The following ADGRL2 variants were observed in gnomAD, a reference collection of about 807,000 sequenced individuals.
ADGRL2 encodes the protein calcium-independent alpha-latrotoxin receptor 2.
A neutral mutation model predicts 157.4 loss-of-function variants in ADGRL2; 44 were observed. The ratio of observed to expected loss-of-function variants is 0.28; its 90% CI spans 0.22 to 0.36. The LOEUF is 0.36. ADGRL2 is among the 10% of genes least tolerant of loss of function. The pLI, the probability that ADGRL2 is intolerant of heterozygous loss-of-function variation, is 1.00. For synonymous variants in ADGRL2, 585 were observed against 624.7 expected, an observed-to-expected ratio of 0.94 and a Z score of 0.95; for missense variants, 1,510 against 1,768.9, an observed-to-expected ratio of 0.85 and a Z score of 2.63.
chr1:81,380,213 AT>A (rs1318357138), intron 1 of ADGRL2, among the ~76,000 whole-genome samples: 1 of 152,050 alleles, frequency 6.6e-6, no homozygotes, highest in Admixed American at 6.5e-5. Context: ...GTTTTCCCAT[AT>A]GTTTGTTTAC....
intron 3 of ADGRL2, among the ~76,000 whole-genome samples, chr1:81,917,442 C>A (rs1419810707): frequency 6.6e-6 from 1 of 150,472 alleles, no homozygotes; most frequent in Non-Finnish European, 1.5e-5. Context: ...TTTTTTAGTG[C>A]TGTTTATTAC....
intron 1 of ADGRL2, among the ~76,000 whole-genome samples, chr1:81,730,082 T>A (rs538827243): frequency 1.3e-5 from 2 of 152,250 alleles, no homozygotes; most frequent in Admixed American, 6.5e-5. Flanking sequence ...AAGGCACAAC[T>A]GTCAGCACAG....
chr1:81,985,752 G>T (rs1662969583), intron 21 of ADGRL2, among the ~76,000 whole-genome samples: 1 of 151,932 alleles, frequency 6.6e-6, no homozygotes, highest in African/African-American at 2.4e-5. Context: ...TATATTGTTT[G>T]ATGTGTCTAC....
At chr1:81,742,366 T>C (rs1571030425) in intron 1 of ADGRL2, among the ~76,000 whole-genome samples, 1 of 152,140 alleles carries the variant, frequency 6.6e-6, no homozygotes, top group East Asian at 1.9e-4. Context: ...TAAACTCTTG[T>C]ACTGTTCTTC....
chr1:81,893,806 C>G (rs2038973), intron 2 of ADGRL2, among the ~76,000 whole-genome samples: 24,996 of 152,088 alleles, frequency 0.16, 2,511 homozygotes, highest in Middle Eastern at 0.31. Context: ...AAATAAACTC[C>G]CTGCTTTCCC....
chr1:81,341,406 A>G (rs1418031103), intron 1 of ADGRL2, among the ~76,000 whole-genome samples: 1 of 152,072 alleles, frequency 6.6e-6, no homozygotes, highest in Non-Finnish European at 1.5e-5. Context: ...CAAAACAAAA[A>G]TGATTCATCA....
chr1:81,970,466 C>T lies in ADGRL2; in HGVS notation c.2886C>T (p.Tyr962=), dbSNP rs764837384. ...AAAAATATTACTATGTTGCTGGTTA[C>T]TTGTTTCCTGCCACAGTGGTTGGAG... The part of the protein sequence containing the change: ...SRKKYYYVAG[Y]LFPATVVGVS... Residue 962 remains tyrosine, a synonymous_variant, in exon 16 of 24, where the codon TAC becomes TAT. Transcript: ENST00000686636. 8 of 1,570,796 alleles carry T rather than the reference C, an allele frequency of 5.1e-6. No homozygotes were observed. The highest frequency in any genetic ancestry group is 6.9e-6 in the Non-Finnish European group (8 of 1,165,504).
chr1:81,385,565 A>C (rs2076420488), intron 1 of ADGRL2, among the ~76,000 whole-genome samples: 1 of 151,348 alleles, frequency 6.6e-6, no homozygotes, highest in Non-Finnish European at 1.5e-5. Context: ...CCTAATACAC[A>C]GGGCTAGTAA....
intron 2 of ADGRL2, chr1:81,501,806 C>G: frequency 6.2e-7 from 1 of 1,603,050 alleles, no homozygotes; most frequent in Non-Finnish European, 8.5e-7. Flanking sequence ...GCAGCAGCAG[C>G]AGCAACAGCA....
At chr1:81,926,575 T>C (rs2095111730) in intron 3 of ADGRL2, among the ~76,000 whole-genome samples, 1 of 152,046 alleles carries the variant, frequency 6.6e-6, no homozygotes, top group Admixed American at 6.6e-5. Flanking sequence ...AAATAATTGC[T>C]CTTAAGTGAT....
chr1:81,617,744 C>A (rs566699103), intron 3 of ADGRL2, among the ~76,000 whole-genome samples: 1 of 152,144 alleles, frequency 6.6e-6, no homozygotes, highest in African/African-American at 2.4e-5. Flanking sequence ...CTTTAAATGG[C>A]GTTTTTCCAT....
intron 1 of ADGRL2, among the ~76,000 whole-genome samples, chr1:81,747,309 T>A (rs146456206): frequency 0.17 from 24,868 of 143,822 alleles, 2,183 homozygotes; most frequent in African/African-American, 0.22. Flanking sequence ...ATATATATAT[T>A]TTTTTTTTTG....
chr1:81,406,686 CATT>C (rs771154425), intron 1 of ADGRL2, among the ~76,000 whole-genome samples: 3 of 152,122 alleles, frequency 2.0e-5, no homozygotes, highest in African/African-American at 7.2e-5. Flanking sequence ...CAACAAATGA[CATT>C]GTTGTCTGAG....
At chr1:81,749,007 T>G (rs1378782556) in intron 1 of ADGRL2, among the ~76,000 whole-genome samples, 1 of 152,110 alleles carries the variant, frequency 6.6e-6, no homozygotes, top group Admixed American at 6.5e-5. Context: ...TCCAGCATAC[T>G]GTTTGAAGTA....
At chr1:81,928,635 G>A (rs1050803066) in intron 3 of ADGRL2, among the ~76,000 whole-genome samples, 4 of 152,036 alleles carry the variant, frequency 2.6e-5, no homozygotes, top group East Asian at 1.9e-4. Context: ...AGTTATTGAG[G>A]CTCAAGAATG....
At chr1:81,671,618 T>C (rs1339081423) in intron 3 of ADGRL2, among the ~76,000 whole-genome samples, 2 of 152,130 alleles carry the variant, frequency 1.3e-5, no homozygotes, top group Admixed American at 6.5e-5. Flanking sequence ...GTTCAAGTGA[T>C]TCTCCTGCCT....
At chr1:81,948,083 G>A (rs1160505624) in intron 6 of ADGRL2, among the ~76,000 whole-genome samples, 1 of 151,980 alleles carries the variant, frequency 6.6e-6, no homozygotes, top group Non-Finnish European at 1.5e-5. Context: ...AGGGTGTGGT[G>A]GTGGGTGCCT....
intron 3 of ADGRL2, among the ~76,000 whole-genome samples, chr1:81,934,473 A>T (rs2095280061): frequency 1.3e-5 from 2 of 151,864 alleles, no homozygotes; most frequent in African/African-American, 4.8e-5. Context: ...TGTATTCTTT[A>T]TTTTTGAAAA....
intron 6 of ADGRL2, among the ~76,000 whole-genome samples, chr1:81,944,451 G>A (rs1030790554): frequency 2.0e-5 from 3 of 151,990 alleles, no homozygotes; most frequent in Admixed American, 2.0e-4. Context: ...AGAAAGTAAT[G>A]CTAAATTTTT....
Sources: allele counts gnomAD v4.1 joint callset (sites outside exome capture counted in the v4.1 genomes callset), GRCh38; gene constraint gnomAD v4.1.1; transcripts MANE v1.5; gene names NCBI Gene and HGNC (gene_info 2026-07-23, HGNC 2026-07-21).